Variants in PPP6R3 observed in about 807,000 individuals in gnomAD.
PPP6R3 encodes protein phosphatase 6 regulatory subunit 3.
PPP6R3 carries 38 observed loss-of-function variants against 110.7 expected under a neutral mutation model. The observed-to-expected ratio is 0.34, with a 90% CI of 0.26 to 0.45. PPP6R3 has a LOEUF of 0.45. Among genes scored for constraint, PPP6R3 ranks in the 20% least tolerant of loss-of-function variants. PPP6R3 has a pLI of 1.00. For missense variants in PPP6R3, 870 were observed against 1,062.4 expected, an observed-to-expected ratio of 0.82 and a Z score of 2.52; for synonymous variants, 369 against 373.5, an observed-to-expected ratio of 0.99 and a Z score of 0.14.
At chr11:68,588,838 T>C (rs1210459102) in intron 16 of PPP6R3, among the ~76,000 whole-genome samples, 2 of 152,118 alleles carry the variant, frequency 1.3e-5, no homozygotes, top group Admixed American at 6.5e-5. Context: ...CCTATTGTTA[T>C]TAGATTACAC....
intron 1 of PPP6R3, among the ~76,000 whole-genome samples, chr11:68,465,971 T>G (rs1036953109): frequency 2.0e-5 from 3 of 152,088 alleles, no homozygotes; most frequent in African/African-American, 7.2e-5. Flanking sequence ...CTGAAGCCGT[T>G]TTGTAATGAC....
intron 1 of PPP6R3, among the ~76,000 whole-genome samples, chr11:68,496,752 C>T (rs1387351644): frequency 2.0e-5 from 3 of 151,892 alleles, no homozygotes; most frequent in Admixed American, 6.6e-5. Flanking sequence ...ATTACAATTA[C>T]AGCAGTCTAC....
chr11:68,461,495 G>C (rs893226691), intron 1 of PPP6R3, among the ~76,000 whole-genome samples: 1 of 84,886 alleles, frequency 1.2e-5, no homozygotes, highest in Non-Finnish European at 2.7e-5. Flanking sequence ...AGCCGGGGGT[G>C]GGGGGGGTGG....
intron 22 of PPP6R3, chr11:68,609,524 A>G (rs1259928493): frequency 3.5e-6 from 5 of 1,417,612 alleles, no homozygotes; most frequent in Admixed American, 3.9e-5. Flanking sequence ...GCAGTCGTGG[A>G]CATATTATTC....
chr11:68,523,649 C>T (rs1454043069), intron 2 of PPP6R3, among the ~76,000 whole-genome samples: 6 of 151,584 alleles, frequency 4.0e-5, no homozygotes, highest in Admixed American at 3.9e-4. Context: ...CTAAGGAGAG[C>T]CACATTTGTT....
intron 1 of PPP6R3, among the ~76,000 whole-genome samples, chr11:68,488,304 C>T (rs371918029): frequency 3.0e-4 from 46 of 152,082 alleles, no homozygotes; most frequent in African/African-American, 1.1e-3. Flanking sequence ...CTCAGTGTAA[C>T]CTCCAAGTGT....
At chr11:68,584,747 C>T (rs184139474) in intron 15 of PPP6R3, among the ~76,000 whole-genome samples, 31 of 152,334 alleles carry the variant, frequency 2.0e-4, no homozygotes, top group African/African-American at 7.2e-4. Flanking sequence ...TAACTTACAA[C>T]AGCCCTTGCC....
chr11:68,614,266 A>G lies in PPP6R3; in HGVS notation c.*1149A>G. The G allele has an allele frequency of 9.7e-7, 1 of 1,032,782 alleles. No individual in the cohort carries two copies. Among genetic ancestry groups the G allele is most frequent in the Non-Finnish European group, 1.2e-6 (1 of 858,972 alleles). The allele number at this position is 1,032,782 out of a possible 1,614,324, so 64.0% of individuals were successfully genotyped here. A position where few individuals can be genotyped will look rare whatever the true frequency, so the allele number is the denominator to read the frequency against. On this transcript the variant is annotated 3_prime_UTR_variant, in exon 24 of 24. Transcript: ENST00000393800. ...GTGTATATATATAGTGATTATGGAT[A>G]CTAATTCAATGTAATTTATAATTTT...
intron 1 of PPP6R3, among the ~76,000 whole-genome samples, chr11:68,509,542 T>A (rs958344240): frequency 1.3e-5 from 2 of 151,422 alleles, no homozygotes; most frequent in Non-Finnish European, 2.9e-5. Context: ...TTTAAAGCTT[T>A]GATTATTTTT....
At chr11:68,461,400 C>G (rs1436155449) in intron 1 of PPP6R3, among the ~76,000 whole-genome samples, 1 of 151,858 alleles carries the variant, frequency 6.6e-6, no homozygotes, top group Admixed American at 6.6e-5. Context: ...AGTTCCGAGG[C>G]TCCCAGTACC....
intron 8 of PPP6R3, 56 bp from the exon 9 acceptor site, chr11:68,564,247 C>T (rs10501398): frequency 6.6e-7 from 1 of 1,511,188 alleles, no homozygotes; most frequent in Non-Finnish European, 9.0e-7. Context: ...TGGTCGATAA[C>T]CTTGAATGAT....
At chr11:68,476,191 G>A (rs1035996933) in intron 1 of PPP6R3, among the ~76,000 whole-genome samples, 1 of 152,236 alleles carries the variant, frequency 6.6e-6, no homozygotes, top group Non-Finnish European at 1.5e-5. Context: ...CTGAGAGAAC[G>A]AGATTCCGTC....
chr11:68,494,162 A>T (rs1166557663), intron 1 of PPP6R3, among the ~76,000 whole-genome samples: 1 of 151,764 alleles, frequency 6.6e-6, no homozygotes, highest in Non-Finnish European at 1.5e-5. Context: ...AACACGAAGA[A>T]AGGATGAATG....
In PPP6R3 at chr11:68,615,154, G is replaced by T. The variant is rs1445766947; in HGVS notation, c.*2037G>T. ...AGGGAAAGGATATGACAATGGGGAGGACAGTTCTTTTGGAGGTTGGAGGGG... is the reference window on the plus strand; with the variant it reads ...AGGGAAAGGATATGACAATGGGGAGTACAGTTCTTTTGGAGGTTGGAGGGG... On this transcript the variant is annotated 3_prime_UTR_variant, in exon 24 of 24. Coordinates refer to ENST00000393800, the MANE Select transcript of PPP6R3 (RefSeq NM_001164161.2). 2.2e-6 allele frequency: 1 copy of T among 451,918 alleles called. No individual in the cohort carries two copies. Among genetic ancestry groups the T allele is most frequent in the African/African-American group, 2.0e-5 (1 of 50,014 alleles). 28.0% of individuals were successfully genotyped at this position (451,918 alleles called of 1,614,324 possible).
chr11:68,566,931 T>A (rs1238001006), intron 9 of PPP6R3, 83 bp from the exon 10 acceptor site: 16 of 1,275,652 alleles, frequency 1.3e-5, no homozygotes, highest in Non-Finnish European at 1.7e-5. Flanking sequence ...TTGCAGGGTT[T>A]AAACTAGTGT....
chr11:68,520,998 C>G (rs1159605315), intron 2 of PPP6R3, among the ~76,000 whole-genome samples: 2 of 152,206 alleles, frequency 1.3e-5, no homozygotes, highest in Non-Finnish European at 2.9e-5. Flanking sequence ...TCTTGAACTC[C>G]TGGCCTCAAG....
intron 1 of PPP6R3, among the ~76,000 whole-genome samples, chr11:68,511,070 C>CT (rs59968909): frequency 0.31 from 44,025 of 143,704 alleles, 7,230 homozygotes; most frequent in African/African-American, 0.42. Flanking sequence ...ACCATGCATA[C>CT]TTTTTTTTTT....
chr11:68,596,249 C>T (rs761511358), intron 19 of PPP6R3, 31 bp downstream of exon 19: 2 of 1,613,654 alleles, frequency 1.2e-6, no homozygotes, highest in Non-Finnish European at 1.7e-6. Flanking sequence ...GATCAGCTGC[C>T]CTGTGTTGGA....
intron 1 of PPP6R3, among the ~76,000 whole-genome samples, chr11:68,504,141 G>A (rs1230153746): frequency 2.0e-5 from 3 of 152,240 alleles, no homozygotes; most frequent in Non-Finnish European, 4.4e-5. Context: ...ATCAGTGGTG[G>A]CCTGGTTAAA....
Sources: gnomAD v4.1 joint callset for allele counts (sites outside exome capture counted in the v4.1 genomes callset) on GRCh38, gnomAD v4.1.1 for gene constraint, MANE v1.5 for transcripts, NCBI Gene and HGNC (gene_info 2026-07-23, HGNC 2026-07-21) for gene names.